The following TMOD1 variants were observed in gnomAD, a reference collection of about 807,000 sequenced individuals.
The protein encoded by TMOD1 is tropomodulin 1, also known as tropomodulin-1.
In TMOD1, 17 loss-of-function variants were observed where a neutral mutation model predicts 40.6. That is an observed-to-expected ratio of 0.42 (90% CI 0.29 to 0.63). The LOEUF (loss-of-function observed/expected upper bound fraction) is 0.63, where lower values mean the gene tolerates loss of function less well. Among genes scored for constraint, TMOD1 ranks in the 20% least tolerant of loss-of-function variants. The pLI, the probability that TMOD1 is intolerant of heterozygous loss-of-function variation, is 0.22. For missense variants in TMOD1, 391 were observed against 447.6 expected, an observed-to-expected ratio of 0.87 and a Z score of 1.14; for synonymous variants, 181 against 175.0, an observed-to-expected ratio of 1.03 and a Z score of -0.27.
rs1826207250 is a variant in TMOD1, at chr9:97,599,615, T to TATCTC, written c.1016-18_1016-14dup. On this transcript the variant is annotated intron_variant, in intron 9 of 9. Coordinates refer to ENST00000259365, the MANE Select transcript of TMOD1 (RefSeq NM_003275.4). ...CTACAGGGAAAAGTGCCTTATATCT[T>TATCTC]ATCTCCATTCCTTTCCAGTGAGGAA... 6.2e-7 allele frequency: 1 copy of TATCTC among 1,614,110 alleles called. No homozygotes were observed. The highest frequency in any genetic ancestry group is 1.3e-5 in the African/African-American group (1 of 75,046).
intron 4 of TMOD1, among the ~76,000 whole-genome samples, chr9:97,560,107 G>A (rs1310905293): frequency 2.0e-5 from 3 of 149,812 alleles, no homozygotes; most frequent in Non-Finnish European, 4.4e-5. Context: ...TCTCTAACAG[G>A]AAACCATATC....
At position 97,600,241 on chromosome 9, in the gene TMOD1, CAG is replaced by C. The variant is rs920026595; in HGVS notation, c.*545_*546del. 3.0e-6 allele frequency: 3 copies of C among 988,348 alleles called. No homozygotes were observed. The highest frequency in any genetic ancestry group is 3.5e-5 in the African/African-American group (2 of 57,234). The allele number at this position is 988,348 out of a possible 1,614,324, so 61.2% of individuals were successfully genotyped here. The stretch of plus-strand genomic sequence containing the variant: ...CCAGAACACAATTTTCCCCTCAGAA[CAG>C]ATAGACAGACTGAAGCCACTGAACT... On this transcript the variant is annotated 3_prime_UTR_variant, in exon 10 of 10. Coordinates refer to ENST00000259365, the MANE Select transcript of TMOD1 (RefSeq NM_003275.4).
intron 2 of TMOD1, among the ~76,000 whole-genome samples, chr9:97,538,367 G>A (rs1830218663): frequency 6.6e-6 from 1 of 152,040 alleles, no homozygotes; most frequent in African/African-American, 2.4e-5. Flanking sequence ...TGTCTTTGGG[G>A]TAAGGATGTT....
At position 97,557,254 on chromosome 9, in the gene TMOD1, T is replaced by G. The variant is rs528007848; in HGVS notation, c.397+3854T>G. ...AGAGTGCACAGGTTCCTGGCAGGGCTAAGTTCTTGGCGCATAGCCTACAGG... is the reference window on the plus strand; with the variant it reads ...AGAGTGCACAGGTTCCTGGCAGGGCGAAGTTCTTGGCGCATAGCCTACAGG... On this transcript the variant is annotated intron_variant, in intron 4 of 9. Transcript: ENST00000259365. The surrounding 1 kb of genome is among the most constrained non-coding windows in gnomAD (Gnocchi z 4.4). Among the ~76,000 whole-genome samples, 1 of 152,162 alleles carries G rather than the reference T, an allele frequency of 6.6e-6. No homozygotes were observed. Among genetic ancestry groups the G allele is most frequent in the Non-Finnish European group, 1.5e-5 (1 of 68,024 alleles).
intron 2 of TMOD1, among the ~76,000 whole-genome samples, chr9:97,542,250 T>C (rs1349749315): frequency 6.6e-6 from 1 of 152,202 alleles, no homozygotes; most frequent in African/African-American, 2.4e-5. Context: ...CTGACAATCA[T>C]GTGATATTTT....
intron 8 of TMOD1, among the ~76,000 whole-genome samples, chr9:97,589,453 T>C (rs1046766948): frequency 2.0e-5 from 3 of 151,298 alleles, no homozygotes; most frequent in Admixed American, 6.6e-5. Context: ...TGTATTTTTT[T>C]TTTTTTTAGT....
At position 97,599,985 on chromosome 9, in the gene TMOD1, G is replaced by A. The variant is rs1246127113; in HGVS notation, c.*287G>A. 6 of 1,196,156 alleles carry A rather than the reference G, an allele frequency of 5.0e-6. No individual in the cohort carries two copies. In the East Asian group the frequency reaches 1.8e-4, roughly 35 times the overall value. The allele number at this position is 1,196,156 out of a possible 1,614,324, so 74.1% of individuals were successfully genotyped here. A position where few individuals can be genotyped will look rare whatever the true frequency, so the allele number is the denominator to read the frequency against. ...CTGAAGATGATGTTCCAGCAGCAGC[G>A]ACTTAGCCCCAGGAGCCCAGTTTCA... On this transcript the variant is annotated 3_prime_UTR_variant, in exon 10 of 10. Transcript: ENST00000259365.
At chr9:97,563,292 A>G (rs772071219) in intron 5 of TMOD1, among the ~76,000 whole-genome samples, 19 of 152,132 alleles carry the variant, frequency 1.2e-4, no homozygotes, top group Non-Finnish European at 2.5e-4. Flanking sequence ...GACTCAAGCA[A>G]TCCTCCTGCC....
At chr9:97,540,665 C>A (rs1563984727) in intron 2 of TMOD1, among the ~76,000 whole-genome samples, 2 of 152,170 alleles carry the variant, frequency 1.3e-5, no homozygotes, top group Admixed American at 1.3e-4. Context: ...TGGCTTCTTA[C>A]ACTTAGTATG....
chr9:97,559,833 ATCTATCT>A, intron 4 of TMOD1, among the ~76,000 whole-genome samples: 2 of 43,292 alleles, frequency 4.6e-5, no homozygotes, highest in South Asian at 1.3e-3. Context: ...ATGTCTATCT[ATCTATCT>A]ATCTATCTAT....
chr9:97,524,794 G>T (rs77056288), intron 2 of TMOD1, among the ~76,000 whole-genome samples: 1 of 152,042 alleles, frequency 6.6e-6, no homozygotes, highest in Admixed American at 6.5e-5. Flanking sequence ...GGAAATTTCC[G>T]CTTACTTGGA....
chr9:97,582,083 CTGAA>C (rs1295704849), intron 8 of TMOD1, among the ~76,000 whole-genome samples: 2 of 152,290 alleles, frequency 1.3e-5, no homozygotes. Context: ...TGCCTATGTC[CTGAA>C]TGGTAATTTA....
chr9:97,507,915 T>A (rs1438878424), intron 1 of TMOD1, among the ~76,000 whole-genome samples: 2 of 152,088 alleles, frequency 1.3e-5, no homozygotes, highest in Admixed American at 1.3e-4. Flanking sequence ...GAGGGCATAG[T>A]AGTTAAGGCG....
Position 97,591,397 on chromosome 9 carries a change from T to C in TMOD1, c.977T>C (p.Leu326Pro). Residue 326 changes from leucine (L) to proline (P), a missense_variant, in exon 9 of 10, where the codon CTT becomes CCT. Coordinates refer to ENST00000259365, the MANE Select transcript of TMOD1 (RefSeq NM_003275.4). ...GYHFTQQGPR[L>P]RASNAMMNNN... ...CACTTTACCCAGCAAGGACCCCGGC[T>C]TCGGGCATCCAACGCAATGATGAAC... 6.2e-7 allele frequency: 1 copy of C among 1,614,216 alleles called. No individual in the cohort carries two copies. The highest frequency in any genetic ancestry group is 1.6e-4 in the Middle Eastern group (1 of 6,062).
chr9:97,588,757 A>G (rs1245407847), intron 8 of TMOD1, among the ~76,000 whole-genome samples: 1 of 152,184 alleles, frequency 6.6e-6, no homozygotes, highest in Non-Finnish European at 1.5e-5. Flanking sequence ...GTTGTTTTGT[A>G]GTTTTCAATA....
At chr9:97,588,174 C>G (rs535676550) in intron 8 of TMOD1, among the ~76,000 whole-genome samples, 20 of 152,330 alleles carry the variant, frequency 1.3e-4, no homozygotes, top group Middle Eastern at 3.4e-3. Context: ...AACTGACAAA[C>G]TGTCTTTCAA....
At chr9:97,584,647 T>C (rs536871756) in intron 8 of TMOD1, among the ~76,000 whole-genome samples, 1 of 152,366 alleles carries the variant, frequency 6.6e-6, no homozygotes, top group African/African-American at 2.4e-5. Context: ...AGTCTCTCTG[T>C]AGGTCACTCA....
chr9:97,502,241 G>C lies in TMOD1; in HGVS notation c.-49+438G>C, dbSNP rs960378234. 3.9e-5 allele frequency among the ~76,000 whole-genome samples: 6 copies of C among 152,140 alleles called. No homozygotes were observed. Among genetic ancestry groups the C allele is most frequent in the African/African-American group, 1.2e-4 (5 of 41,460 alleles). Reference sequence around the variant, plus strand: ...AGGTGCCAGCCGGAGCTGGGCTCGGGGGCGCGGCCTCTTCTCCGCCTGCAA... The same window carrying C: ...AGGTGCCAGCCGGAGCTGGGCTCGGCGGCGCGGCCTCTTCTCCGCCTGCAA... On this transcript the variant is annotated intron_variant, in intron 1 of 9. Coordinates refer to ENST00000259365, the MANE Select transcript of TMOD1 (RefSeq NM_003275.4). This position sits in a 1 kb window ranked among gnomAD's most constrained non-coding sequence, Gnocchi z 6.1.
intron 2 of TMOD1, among the ~76,000 whole-genome samples, chr9:97,525,917 G>A (rs1830008437): frequency 6.6e-6 from 1 of 152,170 alleles, no homozygotes; most frequent in African/African-American, 2.4e-5. Context: ...AGGGTCATGG[G>A]AACAATGAAC....
Sources: gnomAD v4.1 joint callset for allele counts (sites outside exome capture counted in the v4.1 genomes callset) on GRCh38, gnomAD v4.1.1 for gene constraint, Gnocchi (gnomAD v3.1) non-coding constraint, MANE v1.5 for transcripts, NCBI Gene and HGNC (gene_info 2026-07-23, HGNC 2026-07-21) for gene names.